The following DNAH3 variants were observed in gnomAD, a reference collection of about 807,000 sequenced individuals.
The protein encoded by DNAH3 is dynein axonemal heavy chain 3.
In DNAH3, 332 loss-of-function variants were observed where a neutral mutation model predicts 432.5. The observed-to-expected ratio is 0.77, with a 90% confidence interval of 0.70 to 0.84. DNAH3 has a LOEUF of 0.84. Ranked by LOEUF, DNAH3 falls within the 40% of genes least tolerant of loss-of-function variation. The pLI is 0.00. For synonymous variants in DNAH3, 1,956 were observed against 1,900.2 expected (o/e 1.03, Z -0.76); for missense variants, 4,861 against 5,114.0 (o/e 0.95, Z 1.51).
At chr16:20,978,026 C>G (rs535799864) in intron 50 of DNAH3, among the ~76,000 whole-genome samples, 1 of 152,278 alleles carries the variant, frequency 6.6e-6, no homozygotes, top group African/African-American at 2.4e-5. Context: ...GTAAATCAAT[C>G]AATGTTCTTT....
chr16:21,085,579 C>CTCTTGTCTA (rs2152778542), intron 19 of DNAH3, among the ~76,000 whole-genome samples: 1 of 150,316 alleles, frequency 6.7e-6, no homozygotes, highest in East Asian at 2.0e-4. Context: ...GACAGCCTAT[C>CTCTTGTCTA]TCTTGTCTAT....
chr16:21,035,764 T>C (rs1256144715), intron 35 of DNAH3, among the ~76,000 whole-genome samples: 1 of 152,146 alleles, frequency 6.6e-6, no homozygotes, highest in Admixed American at 6.5e-5. Context: ...TTAAATGAGT[T>C]GTGTCAAAAA....
chr16:21,037,596 T>C (rs1210133986), intron 34 of DNAH3, among the ~76,000 whole-genome samples, 165 bp downstream of exon 34: 1 of 152,208 alleles, frequency 6.6e-6, no homozygotes, highest in Non-Finnish European at 1.5e-5. Flanking sequence ...ATGTTTGCTA[T>C]CTATCACTCT....
intron 51 of DNAH3, among the ~76,000 whole-genome samples, chr16:20,970,459 G>A (rs956874772): frequency 9.2e-5 from 14 of 152,196 alleles, no homozygotes; most frequent in African/African-American, 3.4e-4. Flanking sequence ...GGGAGGCGGA[G>A]GTTGCAGTGA....
chr16:21,054,309 C>A, intron 28 of DNAH3, 111 bp downstream of exon 28: 1 of 781,514 alleles, frequency 1.3e-6, no homozygotes, highest in Admixed American at 2.6e-5. Context: ...GAAAGCTCTC[C>A]CTAATGAGGA....
chr16:21,105,060 T>C (rs1487383404), intron 15 of DNAH3, among the ~76,000 whole-genome samples: 1 of 152,156 alleles, frequency 6.6e-6, no homozygotes, highest in Admixed American at 6.5e-5. Flanking sequence ...GCCCTACCCA[T>C]TTTATGACTC....
At chr16:21,003,425 G>A (rs1421572524) in intron 41 of DNAH3, among the ~76,000 whole-genome samples, 2 of 152,164 alleles carry the variant, frequency 1.3e-5, no homozygotes, top group South Asian at 2.1e-4. Context: ...AAAATGATAG[G>A]TGCTAATTAT....
rs180798924 is a variant in DNAH3, at chr16:21,111,520, C to G, written c.2099+106G>C. The stretch of plus-strand genomic sequence containing the variant: ...TACTTAGGGGCAGAAAAAACTTGAT[C>G]TAGAAAATAATCTGTTCATTGCTGG... On this transcript the variant is annotated intron_variant, in intron 14 of 61. Coordinates refer to ENST00000261383, the Ensembl canonical transcript of DNAH3. The G allele has an allele frequency of 2.0e-4, 239 of 1,175,806 alleles. 1 individual carries two copies. The African/African-American group carries it at 2.5e-3, about 12-fold the overall frequency. 72.8% of individuals were successfully genotyped at this position (1,175,806 alleles called of 1,614,324 possible).
chr16:21,009,522 C>A (rs1597129250), intron 41 of DNAH3, among the ~76,000 whole-genome samples: 1 of 152,302 alleles, frequency 6.6e-6, no homozygotes, highest in East Asian at 1.9e-4. Context: ...ATTTTTCCCT[C>A]TTCCTTTGCT....
Position 21,127,822 on chromosome 16 carries a change from G to C in DNAH3, c.1083-10C>G. The C allele has an allele frequency of 6.2e-7, 1 of 1,613,844 alleles. No individual in the cohort carries two copies. Among genetic ancestry groups the C allele is most frequent in the East Asian group, 2.2e-5 (1 of 44,880 alleles). Reference sequence around the variant, plus strand: ...CCTGAGGTCTCTGAATCTGCCAAAAGAGAGGGAGAAATTTCCTAAGCTAAA... The same window carrying C: ...CCTGAGGTCTCTGAATCTGCCAAAACAGAGGGAGAAATTTCCTAAGCTAAA... On this transcript the variant is annotated splice_polypyrimidine_tract_variant and intron_variant, in intron 7 of 61. Coordinates refer to ENST00000261383, the Ensembl canonical transcript of DNAH3.
At chr16:20,961,638 G>A (rs2152616649) in intron 53 of DNAH3, among the ~76,000 whole-genome samples, 1 of 152,034 alleles carries the variant, frequency 6.6e-6, no homozygotes, top group Middle Eastern at 3.4e-3. Flanking sequence ...AAGGCCCTGT[G>A]CAGACATAGG....
At chr16:20,968,486 T>A (rs926718503) in intron 52 of DNAH3, among the ~76,000 whole-genome samples, 2 of 152,212 alleles carry the variant, frequency 1.3e-5, no homozygotes, top group Admixed American at 6.5e-5. Flanking sequence ...AAAGTCACTG[T>A]TCAGCTCTAA....
chr16:21,049,740 C>T lies in DNAH3; in HGVS notation c.4348-58G>A, dbSNP rs2089872820. 5 of 1,510,150 alleles carry T rather than the reference C, an allele frequency of 3.3e-6. No homozygotes were observed. In the South Asian group the frequency reaches 5.6e-5, roughly 17 times the overall value. The allele number at this position is 1,510,150 out of a possible 1,614,324, so 93.5% of individuals were successfully genotyped here. A position where few individuals can be genotyped will look rare whatever the true frequency, so the allele number is the denominator to read the frequency against. ...GGTGGATTCCATCCCATCTGAATTA[C>T]CCCGCACCATTCAACAGCAGTGGGC... On this transcript the variant is annotated intron_variant, in intron 30 of 61. Coordinates refer to ENST00000261383, the Ensembl canonical transcript of DNAH3.
chr16:20,942,993 G>A (rs2083884257), intron 58 of DNAH3, among the ~76,000 whole-genome samples: 1 of 152,046 alleles, frequency 6.6e-6, no homozygotes, highest in African/African-American at 2.4e-5. Context: ...CGTGATCACA[G>A]CCTCACTGCA....
At chr16:20,997,315 C>T in exon 44 of DNAH3, 1 of 1,614,136 alleles carries the variant, frequency 6.2e-7, no homozygotes, top group Admixed American at 1.7e-5. Context: ...CCCGGGGGGC[C>T]CCATGGCTGT....
At chr16:20,943,767 G>A (rs769924335) in intron 58 of DNAH3, among the ~76,000 whole-genome samples, 19 of 152,136 alleles carry the variant, frequency 1.2e-4, no homozygotes, top group Non-Finnish European at 2.4e-4. Flanking sequence ...GATTGCTTGA[G>A]CCCAGGAGTT....
At chr16:20,957,967 CA>C (rs1349952952) in intron 54 of DNAH3, among the ~76,000 whole-genome samples, 1 of 149,890 alleles carries the variant, frequency 6.7e-6, no homozygotes, top group Non-Finnish European at 1.5e-5. Context: ...TCCCAAAAAA[CA>C]AATAGCTGTT....
rs368428525 is a variant in DNAH3, at chr16:21,039,339, C to T, written c.4730+513G>A. Reference sequence around the variant, plus strand: ...GTTCAAGTGGTTCTCCTCCCTCAGCCTCCTGAGTAGCTGGGATTACAGGTG... The same window carrying T: ...GTTCAAGTGGTTCTCCTCCCTCAGCTTCCTGAGTAGCTGGGATTACAGGTG... On this transcript the variant is annotated intron_variant, in intron 33 of 61. Transcript: ENST00000261383. Among the ~76,000 whole-genome samples the T allele has an allele frequency of 1.5e-4, 23 of 151,718 alleles. No homozygotes were observed. The South Asian group carries it at 2.5e-3, about 17-fold the overall frequency.
At chr16:21,133,469 G>A (rs753889582) in intron 7 of DNAH3, among the ~76,000 whole-genome samples, 3 of 151,906 alleles carry the variant, frequency 2.0e-5, no homozygotes, top group East Asian at 1.9e-4. Context: ...AGCTGGGTGC[G>A]ATGGCCCATG....
Sources: allele counts gnomAD v4.1 joint callset (sites outside exome capture counted in the v4.1 genomes callset), GRCh38; gene constraint gnomAD v4.1.1; transcripts MANE v1.5; gene names NCBI Gene and HGNC (gene_info 2026-07-23, HGNC 2026-07-21).